Variants in ITGA2 observed in about 807,000 individuals in gnomAD.
ITGA2 encodes the protein integrin subunit alpha 2.
In ITGA2, 101 loss-of-function variants were observed where a neutral mutation model predicts 146.3. The observed-to-expected ratio is 0.69, with a 90% confidence interval of 0.59 to 0.81. The LOEUF is 0.81. ITGA2 is among the 40% of genes least tolerant of loss of function. The probability of loss-of-function intolerance (pLI) is 0.00; values close to 1 mark genes in which losing one functional copy is unlikely to be tolerated. For missense variants in ITGA2, 1,281 were observed against 1,402.7 expected (o/e 0.91, Z 1.39); for synonymous variants, 477 against 487.1 (o/e 0.98, Z 0.27).
intron 15 of ITGA2, among the ~76,000 whole-genome samples, chr5:53,066,773 C>T (rs1217818588): frequency 3.3e-5 from 5 of 151,526 alleles, no homozygotes. Flanking sequence ...AAGAATAATA[C>T]TTAAGACTTT....
intron 9 of ITGA2, among the ~76,000 whole-genome samples, chr5:53,056,960 A>AT (rs1267695784): frequency 2.6e-5 from 4 of 151,998 alleles, no homozygotes; most frequent in African/African-American, 9.7e-5. Flanking sequence ...AAGGAATTGC[A>AT]TAAATTATTC....
chr5:53,089,106 A>G (rs946866214), intron 28 of ITGA2: 2 of 152,254 alleles, frequency 1.3e-5, no homozygotes, highest in Non-Finnish European at 2.9e-5. Context: ...ACAGTCACCA[A>G]GGCCAGTTGC....
At chr5:53,009,971 C>T (rs945754598) in intron 1 of ITGA2, among the ~76,000 whole-genome samples, 6 of 152,248 alleles carry the variant, frequency 3.9e-5, no homozygotes, top group Middle Eastern at 3.4e-3. Flanking sequence ...TTTGTTATAA[C>T]AGGCGGAATG....
At chr5:52,990,812 G>C (rs529790483) in intron 1 of ITGA2, among the ~76,000 whole-genome samples, 1 of 151,970 alleles carries the variant, frequency 6.6e-6, no homozygotes, top group Non-Finnish European at 1.5e-5. Flanking sequence ...TACTTTCTCC[G>C]GGAACCAGAT....
At chr5:53,012,889 G>GTATT (rs1742210138) in intron 1 of ITGA2, among the ~76,000 whole-genome samples, 1 of 152,056 alleles carries the variant, frequency 6.6e-6, no homozygotes, top group African/African-American at 2.4e-5. Context: ...TTGGCCACAT[G>GTATT]TATTTCTTCT....
chr5:53,025,909 A>G (rs1373709759), intron 1 of ITGA2, among the ~76,000 whole-genome samples: 1 of 152,206 alleles, frequency 6.6e-6, no homozygotes, highest in African/African-American at 2.4e-5. Context: ...ACAGAGAAAC[A>G]TGATTTGCCT....
At chr5:53,019,552 A>G (rs905828566) in intron 1 of ITGA2, among the ~76,000 whole-genome samples, 2 of 152,032 alleles carry the variant, frequency 1.3e-5, no homozygotes, top group African/African-American at 4.8e-5. Context: ...TAGAGATGGA[A>G]TCTTGCTCTG....
intron 14 of ITGA2, 113 bp downstream of exon 14, chr5:53,065,228 T>C: frequency 9.5e-7 from 1 of 1,052,556 alleles, no homozygotes; most frequent in Non-Finnish European, 1.4e-6. Context: ...AACTTCATTC[T>C]TTCACTCAGC....
At chr5:53,059,577 C>T (rs1463308042) in intron 10 of ITGA2, among the ~76,000 whole-genome samples, 2 of 151,838 alleles carry the variant, frequency 1.3e-5, no homozygotes, top group African/African-American at 4.8e-5. Flanking sequence ...CAAATATATG[C>T]CTTTGAAAGG....
At chr5:53,045,919 G>A (rs944699259) in intron 4 of ITGA2, among the ~76,000 whole-genome samples, 16 of 151,932 alleles carry the variant, frequency 1.1e-4, no homozygotes, top group Admixed American at 3.3e-4. Context: ...GGTTGGGCGC[G>A]GTGGCTCATG....
chr5:53,062,950 T>G, intron 13 of ITGA2, 21 bp downstream of exon 13: 1 of 1,551,570 alleles, frequency 6.4e-7, no homozygotes. Context: ...AAAAATAAAC[T>G]AATAGTTTAA....
intron 1 of ITGA2, among the ~76,000 whole-genome samples, chr5:53,014,839 C>T (rs899242014): frequency 2.0e-5 from 3 of 151,970 alleles, no homozygotes; most frequent in Admixed American, 6.6e-5. Context: ...TTGTATGTTT[C>T]CAGGAATTTA....
At position 53,061,036 on chromosome 5, in the gene ITGA2, G is replaced by A. The variant is rs549946296; in HGVS notation, c.1448G>A (p.Arg483Gln). 3.5e-5 allele frequency: 57 copies of A among 1,612,076 alleles called. No individual in the cohort carries two copies. The highest frequency in any genetic ancestry group is 2.2e-4 in the Admixed American group (13 of 59,798). Residue 483 changes from arginine (R) to glutamine (Q), a missense_variant, in exon 12 of 30, where the codon CGA becomes CAA. Coordinates refer to ENST00000296585, the MANE Select transcript of ITGA2 (RefSeq NM_002203.4). ...NGNITVIQAH[R>Q]GDQIGSYFGS... The stretch of plus-strand genomic sequence containing the variant: ...AATATCACGGTTATTCAGGCTCACC[G>A]AGGTGACCAGGTAAATCTCACTGTT...
intron 1 of ITGA2, among the ~76,000 whole-genome samples, chr5:52,989,810 A>ACACG (rs1171219255): frequency 2.9e-5 from 2 of 68,474 alleles, no homozygotes; most frequent in Non-Finnish European, 7.0e-5. Flanking sequence ...TTAGGTACAC[A>ACACG]CACGCACACA....
intron 2 of ITGA2, among the ~76,000 whole-genome samples, chr5:53,032,211 C>G: frequency 6.6e-6 from 1 of 152,002 alleles, no homozygotes; most frequent in Non-Finnish European, 1.5e-5. Context: ...ATAGTTTTAA[C>G]TTTTTAATTG....
intron 1 of ITGA2, among the ~76,000 whole-genome samples, chr5:53,007,028 G>A (rs1405365558): frequency 2.0e-5 from 3 of 152,144 alleles, no homozygotes; most frequent in African/African-American, 7.2e-5. Flanking sequence ...AGTGAAAGGA[G>A]CTTTTCCTAA....
chr5:53,009,485 G>C (rs1157834950), intron 1 of ITGA2, among the ~76,000 whole-genome samples: 1 of 152,014 alleles, frequency 6.6e-6, no homozygotes, highest in Non-Finnish European at 1.5e-5. Context: ...TGTTCAGAAA[G>C]CATACAACTT....
chr5:52,992,362 C>A (rs2111649361), intron 1 of ITGA2, among the ~76,000 whole-genome samples: 1 of 152,240 alleles, frequency 6.6e-6, no homozygotes, highest in South Asian at 2.1e-4. Context: ...TATCTCCAGC[C>A]AGCCTCCCCT....
At chr5:53,082,371 G>A (rs955466803) in intron 26 of ITGA2, among the ~76,000 whole-genome samples, 9 of 152,158 alleles carry the variant, frequency 5.9e-5, no homozygotes, top group Non-Finnish European at 1.2e-4. Context: ...TGTGAAGGAT[G>A]GGGAAAACAG....
Sources: allele counts gnomAD v4.1 joint callset (sites outside exome capture counted in the v4.1 genomes callset), GRCh38; gene constraint gnomAD v4.1.1; transcripts MANE v1.5; gene names NCBI Gene and HGNC (gene_info 2026-07-23, HGNC 2026-07-21).